Variants in RETREG1 observed in about 807,000 individuals in gnomAD.
RETREG1 encodes family with sequence similarity 134 member B.
RETREG1 carries 44 observed loss-of-function variants against 54.8 expected under a neutral mutation model. The ratio of observed to expected loss-of-function variants is 0.80; its 90% CI spans 0.63 to 1.03. The LOEUF (loss-of-function observed/expected upper bound fraction) is 1.03, where lower values mean the gene tolerates loss of function less well. RETREG1 is among the 50% of genes least tolerant of loss of function. The pLI, the probability that RETREG1 is intolerant of heterozygous loss-of-function variation, is 0.00. For missense variants in RETREG1, 554 were observed against 605.1 expected, an observed-to-expected ratio of 0.92 and a Z score of 0.89; for synonymous variants, 217 against 238.5, an observed-to-expected ratio of 0.91 and a Z score of 0.83.
intron 1 of RETREG1, among the ~76,000 whole-genome samples, chr5:16,591,067 A>G (rs1019105991): frequency 5.3e-5 from 8 of 152,230 alleles, no homozygotes; most frequent in African/African-American, 1.9e-4. Flanking sequence ...CAGAATAAAT[A>G]TAAAAAACTA....
At chr5:16,558,327 C>A (rs1440986957) in intron 3 of RETREG1, among the ~76,000 whole-genome samples, 2 of 152,146 alleles carry the variant, frequency 1.3e-5, no homozygotes, top group Admixed American at 6.6e-5. Flanking sequence ...GGTTCTCCTG[C>A]CCTTCCATCT....
At chr5:16,557,126 G>A (rs1363230954) in intron 3 of RETREG1, among the ~76,000 whole-genome samples, 5 of 152,104 alleles carry the variant, frequency 3.3e-5, no homozygotes, top group Non-Finnish European at 5.9e-5. Flanking sequence ...CACTGCACCC[G>A]GCCATCATTT....
intron 3 of RETREG1, among the ~76,000 whole-genome samples, chr5:16,490,064 T>C (rs764637442): frequency 2.6e-5 from 4 of 152,156 alleles, no homozygotes; most frequent in Non-Finnish European, 5.9e-5. Context: ...CAACCAGAGA[T>C]AGGAAACCTG....
chr5:16,489,954 A>C (rs546877212), intron 3 of RETREG1, among the ~76,000 whole-genome samples: 1 of 152,362 alleles, frequency 6.6e-6, no homozygotes, highest in South Asian at 2.1e-4. Flanking sequence ...GTGTTTTTAC[A>C]ACTCAGTTAT....
chr5:16,478,710 T>A, intron 6 of RETREG1, 140 bp downstream of exon 6: 1 of 745,166 alleles, frequency 1.3e-6, no homozygotes, highest in Non-Finnish European at 2.2e-6. Context: ...AGGATATATA[T>A]AACTTTGAGG....
At chr5:16,512,137 C>T (rs1238476682) in intron 3 of RETREG1, among the ~76,000 whole-genome samples, 1 of 152,230 alleles carries the variant, frequency 6.6e-6, no homozygotes, top group Non-Finnish European at 1.5e-5. Context: ...CGTTTCCTCA[C>T]TGACCTGAAA....
Position 16,616,802 on chromosome 5 carries a change from A to C in RETREG1, c.170T>G (p.Val57Gly), listed in dbSNP as rs1172960356. ...CGCCGCCCGGCCCGCGGCCTCCTCC[A>C]CCTGCAACCCCGCGCCCTCCGCCGC... The part of the protein sequence containing the change: ...AGAAEGAGLQ[V>G]EEAAGRAAAA... The change falls in exon 1 of 9, where the codon GTG (valine) becomes GGG (glycine). Residue 57 changes from valine to glycine, a missense_variant. Coordinates refer to ENST00000306320, the MANE Select transcript of RETREG1 (RefSeq NM_001034850.3). 3.9e-6 allele frequency: 6 copies of C among 1,524,596 alleles called. No individual in the cohort carries two copies. Among genetic ancestry groups the C allele is most frequent in the Non-Finnish European group, 5.3e-6 (6 of 1,142,776 alleles). The allele number at this position is 1,524,596 out of a possible 1,614,324, so 94.4% of individuals were successfully genotyped here. A position where few individuals can be genotyped will look rare whatever the true frequency, so the allele number is the denominator to read the frequency against.
intron 3 of RETREG1, among the ~76,000 whole-genome samples, chr5:16,534,663 G>A (rs1001968989): frequency 6.6e-6 from 1 of 152,200 alleles, no homozygotes; most frequent in Non-Finnish European, 1.5e-5. Flanking sequence ...CAGCTGCCAT[G>A]TTCCTTTTCT....
rs1742828760 is a variant in RETREG1 at position 16,593,479 on chromosome 5, A to C, written c.321-21377T>G. Among the ~76,000 whole-genome samples the C allele has an allele frequency of 6.6e-6, 1 of 152,190 alleles. No individual in the cohort carries two copies. The highest frequency in any genetic ancestry group is 1.9e-4 in the East Asian group (1 of 5,192). On this transcript the variant is annotated intron_variant, in intron 1 of 8. Transcript: ENST00000306320. The surrounding 1 kb of genome is among the most constrained non-coding windows in gnomAD (Gnocchi z 4.9). ...ATTTGTTGTACAAATGATTCAATTA[A>C]TGTAATTAATTAACCATGCATGTAA...
intron 1 of RETREG1, among the ~76,000 whole-genome samples, chr5:16,606,330 C>G (rs1411766537): frequency 6.6e-6 from 1 of 152,148 alleles, no homozygotes; most frequent in East Asian, 1.9e-4. Flanking sequence ...TTCTGGTCAC[C>G]CACTGTGGTA....
chr5:16,602,337 G>A (rs1446712355), intron 1 of RETREG1, among the ~76,000 whole-genome samples: 1 of 152,100 alleles, frequency 6.6e-6, no homozygotes, highest in Non-Finnish European at 1.5e-5. Context: ...GAAGGAAAAC[G>A]ACGACGATGG....
intron 3 of RETREG1, among the ~76,000 whole-genome samples, chr5:16,554,643 T>C (rs1198719601): frequency 6.6e-6 from 1 of 152,216 alleles, no homozygotes; most frequent in Non-Finnish European, 1.5e-5. Context: ...ACAATTATGA[T>C]GTACTGCGCA....
intron 3 of RETREG1, among the ~76,000 whole-genome samples, chr5:16,557,511 A>G (rs972319118): frequency 6.6e-6 from 1 of 152,244 alleles, no homozygotes; most frequent in African/African-American, 2.4e-5. Flanking sequence ...CTTTCAGACC[A>G]AATCTGAGCA....
intron 3 of RETREG1, among the ~76,000 whole-genome samples, chr5:16,514,641 T>A (rs552630111): frequency 6.6e-6 from 1 of 151,968 alleles, no homozygotes; most frequent in Non-Finnish European, 1.5e-5. Flanking sequence ...ACCTGAGCAG[T>A]TTATACGGTA....
At chr5:16,517,418 T>C (rs1161874916) in intron 3 of RETREG1, among the ~76,000 whole-genome samples, 4 of 152,260 alleles carry the variant, frequency 2.6e-5, no homozygotes, top group Admixed American at 2.6e-4. Flanking sequence ...CAAAGCACGA[T>C]GGAGCTGGCT....
chr5:16,532,971 T>G (rs999812750), intron 3 of RETREG1, among the ~76,000 whole-genome samples: 10 of 152,206 alleles, frequency 6.6e-5, no homozygotes, highest in Non-Finnish European at 1.2e-4. Context: ...AGGTAAATGC[T>G]CTACTTGGGT....
intron 3 of RETREG1, among the ~76,000 whole-genome samples, chr5:16,506,619 C>T (rs946786526): frequency 6.6e-6 from 1 of 152,032 alleles, no homozygotes; most frequent in Non-Finnish European, 1.5e-5. Context: ...CCCTTGGACC[C>T]AAGGGATCCT....
intron 3 of RETREG1, among the ~76,000 whole-genome samples, chr5:16,534,454 G>C (rs1399710235): frequency 6.6e-6 from 1 of 152,228 alleles, no homozygotes; most frequent in Non-Finnish European, 1.5e-5. Context: ...TTATCATCCT[G>C]AAGTGCAGAG....
At chr5:16,513,348 C>A (rs1740240425) in intron 3 of RETREG1, among the ~76,000 whole-genome samples, 2 of 152,278 alleles carry the variant, frequency 1.3e-5, no homozygotes, top group Admixed American at 1.3e-4. Context: ...AGAGTTACAG[C>A]AGCCACAGTG....
Sources: gnomAD v4.1 joint callset for allele counts (sites outside exome capture counted in the v4.1 genomes callset) on GRCh38, gnomAD v4.1.1 for gene constraint, Gnocchi (gnomAD v3.1) non-coding constraint, MANE v1.5 for transcripts, NCBI Gene and HGNC (gene_info 2026-07-23, HGNC 2026-07-21) for gene names.